Variants in PDPN observed in about 807,000 individuals in gnomAD.
The protein encoded by PDPN is PA2.26 antigen.
A neutral mutation model predicts 23.2 loss-of-function variants in PDPN; 12 were observed. That is an observed-to-expected ratio of 0.52 (90% CI 0.33 to 0.84). The LOEUF (loss-of-function observed/expected upper bound fraction) is 0.84, where lower values mean the gene tolerates loss of function less well. PDPN is among the 40% of genes least tolerant of loss of function. The pLI, the probability that PDPN is intolerant of heterozygous loss-of-function variation, is 0.02. For missense variants in PDPN, 199 were observed against 212.2 expected (o/e 0.94, Z 0.39); for synonymous variants, 77 against 76.7 (o/e 1.00, Z -0.02).
chr1:13,614,669 C>A (rs1641022247), intron 5 of PDPN, among the ~76,000 whole-genome samples: 1 of 152,176 alleles, frequency 6.6e-6, no homozygotes, highest in Admixed American at 6.5e-5. Context: ...CACCTGGAAT[C>A]CCAGTGCTTT....
intron 1 of PDPN, among the ~76,000 whole-genome samples, chr1:13,605,979 C>T (rs577001437): frequency 2.6e-5 from 4 of 152,040 alleles, no homozygotes; most frequent in African/African-American, 9.6e-5. Flanking sequence ...GCGGAAAAGC[C>T]AGGGCCAAGG....
intron 1 of PDPN, among the ~76,000 whole-genome samples, chr1:13,606,019 T>TG (rs1317043565): frequency 5.3e-4 from 80 of 152,006 alleles, no homozygotes; most frequent in Admixed American, 1.5e-3. Flanking sequence ...CTTTTTTTTT[T>TG]GGAGATTGGG....
At chr1:13,584,944 A>G (rs1356522151) in intron 1 of PDPN, among the ~76,000 whole-genome samples, 2 of 152,152 alleles carry the variant, frequency 1.3e-5, no homozygotes, top group African/African-American at 4.8e-5. Flanking sequence ...GGTGGTCTCC[A>G]TTGACATCTG....
intron 1 of PDPN, chr1:13,595,921 G>T (rs1640483829): frequency 1.6e-6 from 2 of 1,268,886 alleles, no homozygotes; most frequent in African/African-American, 1.5e-5. Flanking sequence ...GTTCCGGCCG[G>T]GTGCAGTGGC....
rs1272618442 is a variant in PDPN, at chr1:13,616,859, C to T, written c.*948C>T. 1 of 152,204 alleles carries T rather than the reference C, an allele frequency of 6.6e-6. No homozygotes were observed. 9.4% of individuals were successfully genotyped at this position (152,204 alleles called of 1,614,324 possible). A position where few individuals can be genotyped will look rare whatever the true frequency, so the allele number is the denominator to read the frequency against. On this transcript the variant is annotated 3_prime_UTR_variant, in exon 6 of 6. Coordinates refer to ENST00000621990, the MANE Select transcript of PDPN (RefSeq NM_006474.5). ...TTGAAACCAAGAGCCAGTTGTCCCC[C>T]ATGCAGAAAGAAATCCTGTGTGAGC...
intron 1 of PDPN, among the ~76,000 whole-genome samples, chr1:13,586,514 G>C (rs924028101): frequency 6.6e-6 from 1 of 152,038 alleles, no homozygotes; most frequent in Non-Finnish European, 1.5e-5. Flanking sequence ...AGCAGCACGC[G>C]AGTGACTCTA....
At chr1:13,608,894 T>G (rs1234003406) in intron 2 of PDPN, among the ~76,000 whole-genome samples, 1 of 151,716 alleles carries the variant, frequency 6.6e-6, no homozygotes, top group Non-Finnish European at 1.5e-5. Flanking sequence ...AGGGGTAAAT[T>G]ACAGAACGGC....
rs1162193396 is a variant in PDPN at position 13,617,709 on chromosome 1, G to A, written c.*1798G>A. 4 of 145,718 alleles carry A rather than the reference G, an allele frequency of 2.7e-5. No homozygotes were observed. The highest frequency in any genetic ancestry group is 7.7e-5 in the African/African-American group (3 of 38,852). The allele number at this position is 145,718 out of a possible 1,614,324, so 9.0% of individuals were successfully genotyped here. A position where few individuals can be genotyped will look rare whatever the true frequency, so the allele number is the denominator to read the frequency against. On this transcript the variant is annotated 3_prime_UTR_variant, in exon 6 of 6. Transcript: ENST00000621990. ...TTGAACACCAGCTGATTGAGAGAAG[G>A]GGAATGAGAAGAGCTGGATGAGTTT...
intron 3 of PDPN, among the ~76,000 whole-genome samples, chr1:13,611,241 A>AC (rs1436185272): frequency 2.0e-5 from 3 of 150,504 alleles, no homozygotes; most frequent in East Asian, 2.0e-4. Context: ...ACAAAACAAA[A>AC]AAACAAACAA....
intron 1 of PDPN, among the ~76,000 whole-genome samples, chr1:13,598,467 T>G (rs141278810): frequency 3.9e-5 from 6 of 152,254 alleles, no homozygotes; most frequent in African/African-American, 1.4e-4. Flanking sequence ...GAATCTAAGC[T>G]TCTCCCTGCT....
chr1:13,615,295 TTTC>T (rs975956109), intron 5 of PDPN, among the ~76,000 whole-genome samples: 18 of 114,322 alleles, frequency 1.6e-4, no homozygotes, highest in African/African-American at 5.9e-4. Context: ...TCTTTTTCTT[TTTC>T]TTTTTTTTTG....
intron 1 of PDPN, among the ~76,000 whole-genome samples, chr1:13,598,671 T>G (rs1396857330): frequency 6.6e-6 from 1 of 152,010 alleles, no homozygotes; most frequent in Admixed American, 6.6e-5. Context: ...CAGCCCCATC[T>G]CTGTCCTCCT....
intron 1 of PDPN, 24 bp downstream of exon 1, chr1:13,584,124 C>T (rs757335369): frequency 1.2e-6 from 2 of 1,610,952 alleles, no homozygotes; most frequent in Non-Finnish European, 1.7e-6. Context: ...CAAGTGGCTT[C>T]CTGCCGTCGC....
chr1:13,605,266 A>G lies in PDPN; in HGVS notation c.68-1907A>G, dbSNP rs140491862. Among the ~76,000 whole-genome samples, 301 of 149,040 alleles carry G rather than the reference A, an allele frequency of 2.0e-3. 1 individual carries two copies. The highest frequency in any genetic ancestry group is 2.8e-3 in the African/African-American group (113 of 40,132). On this transcript the variant is annotated intron_variant, in intron 1 of 5. Coordinates refer to ENST00000621990, the MANE Select transcript of PDPN (RefSeq NM_006474.5). The stretch of plus-strand genomic sequence containing the variant: ...ATCTTAAGGCAAGGAATGGATTGCT[A>G]ATGTAAGTGCTGCCTAGAGACAAAC...
intron 1 of PDPN, chr1:13,596,027 G>A (rs1179495445): frequency 1.0e-5 from 4 of 393,044 alleles, no homozygotes; most frequent in South Asian, 2.1e-5. Flanking sequence ...ATGAAATCCC[G>A]TCTCTACTAA....
chr1:13,599,434 G>A (rs1640585768), intron 1 of PDPN, among the ~76,000 whole-genome samples: 1 of 129,016 alleles, frequency 7.8e-6, no homozygotes, highest in East Asian at 2.5e-4. Context: ...CACCCAGGCT[G>A]AAGTGCAGTG....
chr1:13,585,435 C>T (rs748433055), intron 1 of PDPN: 2 of 1,241,500 alleles, frequency 1.6e-6, no homozygotes, highest in Non-Finnish European at 2.1e-6. Context: ...GGAATATATA[C>T]AGTTCTGTAT....
chr1:13,587,036 C>T (rs941562754), intron 1 of PDPN, among the ~76,000 whole-genome samples: 8 of 152,208 alleles, frequency 5.3e-5, no homozygotes, highest in South Asian at 4.2e-4. Context: ...GGCAACAGAG[C>T]GAGACTCCGT....
intron 1 of PDPN, among the ~76,000 whole-genome samples, chr1:13,597,645 C>G (rs1023841129): frequency 1.3e-5 from 2 of 152,050 alleles, no homozygotes; most frequent in South Asian, 2.1e-4. Flanking sequence ...AAAGGGGCAG[C>G]CTTCTTTGTT....
Sources: gnomAD v4.1 joint callset for allele counts (sites outside exome capture counted in the v4.1 genomes callset) on GRCh38, gnomAD v4.1.1 for gene constraint, MANE v1.5 for transcripts, NCBI Gene and HGNC (gene_info 2026-07-23, HGNC 2026-07-21) for gene names.